STRBP: variants seen among roughly 807,000 people sequenced by gnomAD.
STRBP encodes the protein spermatid perinuclear RNA binding protein.
STRBP carries 13 observed loss-of-function variants against 80.1 expected under a neutral mutation model. The ratio of observed to expected loss-of-function variants is 0.16; its 90% CI spans 0.11 to 0.26. The LOEUF is 0.26. Among genes scored for constraint, STRBP ranks in the 10% least tolerant of loss-of-function variants. The pLI is 1.00. For synonymous variants in STRBP, 284 were observed against 291.2 expected (o/e 0.98, Z 0.25); for missense variants, 485 against 815.2 (o/e 0.59, Z 4.93).
chr9:123,177,194 T>C (rs1234051561), intron 4 of STRBP, among the ~76,000 whole-genome samples: 1 of 152,122 alleles, frequency 6.6e-6, no homozygotes, highest in Non-Finnish European at 1.5e-5. Context: ...GGAAGGATCA[T>C]AGGCAAGGGC....
At chr9:123,199,853 C>G (rs928369327) in intron 2 of STRBP, among the ~76,000 whole-genome samples, 9 of 152,124 alleles carry the variant, frequency 5.9e-5, no homozygotes, top group Admixed American at 5.2e-4. Context: ...TTTGGATACC[C>G]TTTATTTCTT....
chr9:123,117,834 AAC>A (rs2035670958), downstream of STRBP, among the ~76,000 whole-genome samples: 2 of 152,236 alleles, frequency 1.3e-5, no homozygotes, highest in South Asian at 2.1e-4. Context: ...GCTAAGTGAA[AAC>A]ACATACCTCA....
chr9:123,142,454 C>T (rs2036628566), intron 13 of STRBP, among the ~76,000 whole-genome samples: 1 of 152,174 alleles, frequency 6.6e-6, no homozygotes, highest in Non-Finnish European at 1.5e-5. Flanking sequence ...TTATAAATTA[C>T]CCAGTCTCAG....
At chr9:123,203,378 C>T (rs916786478) in intron 2 of STRBP, among the ~76,000 whole-genome samples, 8 of 151,910 alleles carry the variant, frequency 5.3e-5, no homozygotes, top group African/African-American at 1.7e-4. Flanking sequence ...ATCTAAATTA[C>T]GTAACAGCAT....
chr9:123,257,001 T>C (rs951564469), intron 1 of STRBP, among the ~76,000 whole-genome samples: 1 of 152,040 alleles, frequency 6.6e-6, no homozygotes, highest in African/African-American at 2.4e-5. Flanking sequence ...CACGTAACAT[T>C]GTCAAACTCA....
intron 2 of STRBP, among the ~76,000 whole-genome samples, chr9:123,192,846 A>G (rs1020024592): frequency 6.6e-6 from 1 of 152,108 alleles, no homozygotes; most frequent in Non-Finnish European, 1.5e-5. Context: ...ACCTTCAATA[A>G]CCACTAATTA....
At chr9:123,202,564 T>C (rs1439666536) in intron 2 of STRBP, among the ~76,000 whole-genome samples, 2 of 152,244 alleles carry the variant, frequency 1.3e-5, no homozygotes, top group Non-Finnish European at 2.9e-5. Flanking sequence ...AGGTTTCTGC[T>C]GAGAAGTCTG....
intron 1 of STRBP, among the ~76,000 whole-genome samples, chr9:123,242,470 C>T (rs556426125): frequency 2.8e-4 from 43 of 152,120 alleles, no homozygotes; most frequent in Non-Finnish European, 4.0e-4. Context: ...ACCAGCCTGG[C>T]CAACATGGCA....
intron 2 of STRBP, among the ~76,000 whole-genome samples, chr9:123,206,325 G>A (rs2039513053): frequency 6.6e-6 from 1 of 152,064 alleles, no homozygotes; most frequent in African/African-American, 2.4e-5. Flanking sequence ...GGGGAAATTC[G>A]GACACTGAAT....
Position 123,235,291 on chromosome 9 carries a change from A to C in STRBP, c.-165+1539T>G, listed in dbSNP as rs981664212. On this transcript the variant is annotated intron_variant, in intron 2 of 18. Transcript: ENST00000348403. Reference sequence around the variant, plus strand: ...TTGAAGGATAAGCCTTTTTTAATTTAGGTTTTTTTTTTTCATTTTGCAAAT... The same window carrying C: ...TTGAAGGATAAGCCTTTTTTAATTTCGGTTTTTTTTTTTCATTTTGCAAAT... Among the ~76,000 whole-genome samples the C allele has an allele frequency of 2.0e-5, 3 of 151,242 alleles. No individual in the cohort carries two copies. In the East Asian group the frequency reaches 5.8e-4, roughly 29 times the overall value.
At chr9:123,175,901 C>G (rs1588046285) in intron 4 of STRBP, among the ~76,000 whole-genome samples, 3 of 152,232 alleles carry the variant, frequency 2.0e-5, no homozygotes, top group African/African-American at 7.2e-5. Context: ...TGGTGTCCCA[C>G]TGAACACTTG....
At chr9:123,137,528 G>A (rs565967346) in intron 14 of STRBP, among the ~76,000 whole-genome samples, 1 of 152,034 alleles carries the variant, frequency 6.6e-6, no homozygotes, top group African/African-American at 2.4e-5. Flanking sequence ...CTGCCTCAGC[G>A]TCCCAAGTAG....
In STRBP at chr9:123,160,433, T is replaced by G; in HGVS notation, c.657A>C (p.Val219=). The change falls in exon 8 of 19, where the codon GTA becomes GTC. Residue 219 remains valine (V), a synonymous_variant. Transcript: ENST00000348403. ...QARANGLKSC[V]IVLRILRDLC... ...AATCACGCAGAATGCGGAGGACAAT[T>G]ACACATGATTTTAATCCATTTGCCC... 1 of 1,603,872 alleles carries G rather than the reference T, an allele frequency of 6.2e-7. No homozygotes were observed. Among genetic ancestry groups the G allele is most frequent in the African/African-American group, 1.3e-5 (1 of 74,912 alleles).
intron 2 of STRBP, among the ~76,000 whole-genome samples, chr9:123,225,095 A>T (rs577493448): frequency 6.6e-6 from 1 of 152,372 alleles, no homozygotes; most frequent in Non-Finnish European, 1.5e-5. Context: ...TTTTGATTAC[A>T]TAAAGTTTGA....
intron 2 of STRBP, among the ~76,000 whole-genome samples, chr9:123,192,842 A>C (rs890018769): frequency 5.3e-5 from 8 of 152,140 alleles, no homozygotes; most frequent in African/African-American, 1.9e-4. Flanking sequence ...CAAAACCTTC[A>C]ATAACCACTA....
At chr9:123,155,606 T>C (rs1222293183) in intron 11 of STRBP, among the ~76,000 whole-genome samples, 1 of 151,606 alleles carries the variant, frequency 6.6e-6, no homozygotes, top group African/African-American at 2.4e-5. Context: ...ATGACAAGAT[T>C]CAAGAGCTGA....
intron 4 of STRBP, among the ~76,000 whole-genome samples, chr9:123,177,028 A>AC (rs1326891937): frequency 1.3e-5 from 2 of 152,028 alleles, no homozygotes; most frequent in African/African-American, 4.8e-5. Context: ...AATACAAGCT[A>AC]CCCCCCACCC....
chr9:123,125,314 TA>T lies in STRBP; in HGVS notation c.*282del. The T allele has an allele frequency of 9.1e-7, 1 of 1,100,490 alleles. No homozygotes were observed. The highest frequency in any genetic ancestry group is 1.1e-6 in the Non-Finnish European group (1 of 904,716). The allele number at this position is 1,100,490 out of a possible 1,614,324, so 68.2% of individuals were successfully genotyped here. A position where few individuals can be genotyped will look rare whatever the true frequency, so the allele number is the denominator to read the frequency against. ...ATAATCTGATACGTCTCTTAAAACTTAAACTTTGAACTGCTAGACTTTTATT... is the reference window on the plus strand; with the variant it reads ...ATAATCTGATACGTCTCTTAAAACTTAACTTTGAACTGCTAGACTTTTATT... On this transcript the variant is annotated 3_prime_UTR_variant, in exon 19 of 19. Coordinates refer to ENST00000348403, the MANE Select transcript of STRBP (RefSeq NM_018387.5).
In STRBP at chr9:123,125,561, T is replaced by A; in HGVS notation, c.*36A>T. 6.2e-7 allele frequency: 1 copy of A among 1,608,518 alleles called. No individual in the cohort carries two copies. Among genetic ancestry groups the A allele is most frequent in the Non-Finnish European group, 8.5e-7 (1 of 1,178,104 alleles). ...TTCTCTAACATTCTGTGTTGTACTG[T>A]ATTGTTGTTCAATAGGAATTAGCTT... On this transcript the variant is annotated 3_prime_UTR_variant, in exon 19 of 19. Coordinates refer to ENST00000348403, the MANE Select transcript of STRBP (RefSeq NM_018387.5).
Sources: allele counts gnomAD v4.1 joint callset (sites outside exome capture counted in the v4.1 genomes callset), GRCh38; gene constraint gnomAD v4.1.1; transcripts MANE v1.5; gene names NCBI Gene and HGNC (gene_info 2026-07-23, HGNC 2026-07-21).